The following PTGER4 variants were observed in gnomAD, a reference collection of about 807,000 sequenced individuals.
PTGER4 encodes the protein prostaglandin E2 receptor EP4 subtype.
In PTGER4, 11 loss-of-function variants were observed where a neutral mutation model predicts 33.2. The observed-to-expected ratio is 0.33, with a 90% CI of 0.21 to 0.55. The LOEUF is 0.55. Ranked by LOEUF, PTGER4 falls within the 20% of genes least tolerant of loss-of-function variation. PTGER4 has a pLI of 0.92. For synonymous variants in PTGER4, 275 were observed against 281.5 expected (o/e 0.98, Z 0.23); for missense variants, 481 against 650.2 (o/e 0.74, Z 2.83).
At chr5:40,723,751 G>A in the PTGER4 span, among the ~76,000 whole-genome samples, 1 of 152,254 alleles carries the variant, frequency 6.6e-6, no homozygotes, top group East Asian at 1.9e-4. Context: ...TGTAATCCCA[G>A]CTACTTGGGA....
At chr5:40,720,232 G>A in the PTGER4 span, among the ~76,000 whole-genome samples, 1 of 152,262 alleles carries the variant, frequency 6.6e-6, no homozygotes, top group Non-Finnish European at 1.5e-5. Flanking sequence ...TACATAAAAT[G>A]TGAAGTAAGA....
the PTGER4 span, among the ~76,000 whole-genome samples, chr5:40,724,421 T>A: frequency 1.3e-5 from 2 of 151,840 alleles, no homozygotes; most frequent in East Asian, 3.9e-4. Flanking sequence ...GATCATGAGG[T>A]CAGGAGTTCA....
chr5:40,733,907 T>TAC, the PTGER4 span, among the ~76,000 whole-genome samples: 3 of 152,008 alleles, frequency 2.0e-5, no homozygotes, highest in South Asian at 2.1e-4. Flanking sequence ...CAAACAGACA[T>TAC]ACACACACAC....
At chr5:40,715,231 T>A in the PTGER4 span, 1 of 152,148 alleles carries the variant, frequency 6.6e-6, no homozygotes, top group African/African-American at 2.4e-5. Flanking sequence ...TCTAGAAAAG[T>A]AATTCCCAGT....
chr5:40,725,474 CAG>C, the PTGER4 span, among the ~76,000 whole-genome samples: 2 of 152,064 alleles, frequency 1.3e-5, no homozygotes, highest in Non-Finnish European at 2.9e-5. Flanking sequence ...ACTTGGAAAA[CAG>C]AGAAAACATT....
chr5:40,712,727 C>T, the PTGER4 span, among the ~76,000 whole-genome samples: 1 of 152,172 alleles, frequency 6.6e-6, no homozygotes, highest in Non-Finnish European at 1.5e-5. Flanking sequence ...ATATCTTAAA[C>T]TCCCTCCTTT....
At chr5:40,746,286 G>A in the PTGER4 span, among the ~76,000 whole-genome samples, 1 of 151,980 alleles carries the variant, frequency 6.6e-6, no homozygotes, top group South Asian at 2.1e-4. Flanking sequence ...GCTAAAGAAG[G>A]GCTAAAAATA....
In PTGER4 at chr5:40,680,949, A is replaced by G; in HGVS notation, c.-43-2A>G. 2 of 1,561,908 alleles carry G rather than the reference A, an allele frequency of 1.3e-6. No homozygotes were observed. The highest frequency in any genetic ancestry group is 1.7e-6 in the Non-Finnish European group (2 of 1,153,802). The stretch of plus-strand genomic sequence containing the variant: ...GCTTTGTCTCTCTTCTACCATCCCC[A>G]GACCCAGCCTTGCACTCCAAGGCTG... On this transcript the variant is annotated splice_acceptor_variant, in intron 1 of 2. Transcript: ENST00000302472. LOFTEE classifies it low-confidence loss of function (5UTR_SPLICE). The surrounding 1 kb of genome is among the most constrained non-coding windows in gnomAD (Gnocchi z 5.5).
the PTGER4 span, among the ~76,000 whole-genome samples, chr5:40,741,469 A>G: frequency 6.6e-6 from 1 of 152,204 alleles, no homozygotes; most frequent in Non-Finnish European, 1.5e-5. Flanking sequence ...AAATTCCCCA[A>G]TAGTTGCATG....
rs1262955036 is a variant in PTGER4 at position 40,683,342 on chromosome 5, G to A, written c.867+1482G>A. Among the ~76,000 whole-genome samples the A allele has an allele frequency of 6.6e-6, 1 of 152,056 alleles. No individual in the cohort carries two copies. The highest frequency in any genetic ancestry group is 1.5e-5 in the Non-Finnish European group (1 of 68,002). ...GTATAAACAGAAGTAAATATAATAG[G>A]CCATAAGAGCCTTTAAGCCATTCCA... On this transcript the variant is annotated intron_variant, in intron 2 of 2. Coordinates refer to ENST00000302472, the MANE Select transcript of PTGER4 (RefSeq NM_000958.3). This position sits in a 1 kb window ranked among gnomAD's most constrained non-coding sequence, Gnocchi z 4.2.
At chr5:40,694,100 G>C (rs1741534621), downstream of PTGER4, among the ~76,000 whole-genome samples, 1 of 151,308 alleles carries the variant, frequency 6.6e-6, no homozygotes, top group South Asian at 2.1e-4. Context: ...ACCCAGACTA[G>C]AGTGCATTGG....
chr5:40,702,027 A>T, the PTGER4 span, among the ~76,000 whole-genome samples: 1 of 152,238 alleles, frequency 6.6e-6, no homozygotes, highest in Non-Finnish European at 1.5e-5. Context: ...GATCATGAAA[A>T]GGAACACTAA....
chr5:40,743,930 G>A, the PTGER4 span, among the ~76,000 whole-genome samples: 22 of 152,084 alleles, frequency 1.4e-4, no homozygotes, highest in African/African-American at 3.1e-4. Flanking sequence ...TCAATGTTTC[G>A]ACATACAGGC....
downstream of PTGER4, among the ~76,000 whole-genome samples, chr5:40,694,374 T>C (rs909784865): frequency 6.6e-6 from 1 of 151,050 alleles, no homozygotes; most frequent in African/African-American, 2.5e-5. Context: ...TAAATGCAAA[T>C]TTTGTTCATT....
chr5:40,744,321 C>T, the PTGER4 span, among the ~76,000 whole-genome samples: 4 of 152,028 alleles, frequency 2.6e-5, no homozygotes, highest in Admixed American at 2.6e-4. Flanking sequence ...ATTTGAGATG[C>T]TAGTATTTCA....
the PTGER4 span, among the ~76,000 whole-genome samples, chr5:40,737,463 A>C: frequency 6.6e-6 from 1 of 152,222 alleles, no homozygotes; most frequent in Non-Finnish European, 1.5e-5. Context: ...ATTAACTTGC[A>C]ATATAACAGC....
the PTGER4 span, chr5:40,714,893 T>A: frequency 2.0e-5 from 3 of 152,206 alleles, no homozygotes; most frequent in Non-Finnish European, 4.4e-5. Context: ...AATAGTATCT[T>A]CCTGAGTGTC....
the PTGER4 span, among the ~76,000 whole-genome samples, chr5:40,713,063 A>AT: frequency 2.0e-5 from 3 of 152,118 alleles, no homozygotes; most frequent in Admixed American, 6.6e-5. Context: ...AAAATTCTTT[A>AT]TTATCAAATA....
rs1223617603 is a variant in PTGER4, at chr5:40,693,387, C to A, written c.*1009C>A. ...GTAGTTTTACTTTCCTAAGGAATTACCAAGAATATCCTTTAAAATTTAAAA... is the reference window on the plus strand; with the variant it reads ...GTAGTTTTACTTTCCTAAGGAATTAACAAGAATATCCTTTAAAATTTAAAA... On this transcript the variant is annotated 3_prime_UTR_variant, in exon 3 of 3. Coordinates refer to ENST00000302472, the MANE Select transcript of PTGER4 (RefSeq NM_000958.3). 1 of 984,528 alleles carries A rather than the reference C, an allele frequency of 1.0e-6. No homozygotes were observed. Among genetic ancestry groups the A allele is most frequent in the Non-Finnish European group, 1.2e-6 (1 of 828,884 alleles). 61.0% of individuals were successfully genotyped at this position (984,528 alleles called of 1,614,324 possible). A position where few individuals can be genotyped will look rare whatever the true frequency, so the allele number is the denominator to read the frequency against.
Sources: gnomAD v4.1 joint callset for allele counts (sites outside exome capture counted in the v4.1 genomes callset) on GRCh38, gnomAD v4.1.1 for gene constraint, Gnocchi (gnomAD v3.1) non-coding constraint, MANE v1.5 for transcripts, NCBI Gene and HGNC (gene_info 2026-07-23, HGNC 2026-07-21) for gene names.